GRIP2: variants seen among roughly 807,000 people sequenced by gnomAD.
GRIP2 encodes glutamate receptor-interacting protein 2.
A neutral mutation model predicts 108.3 loss-of-function variants in GRIP2; 58 were observed. The observed-to-expected ratio is 0.54, with a 90% CI of 0.43 to 0.67. The LOEUF (loss-of-function observed/expected upper bound fraction) is 0.67. Ranked by LOEUF, GRIP2 falls within the 30% of genes least tolerant of loss-of-function variation. The pLI, the probability that GRIP2 is intolerant of heterozygous loss-of-function variation, is 0.00. For synonymous variants in GRIP2, 586 were observed against 598.2 expected (o/e 0.98, Z 0.30); for missense variants, 1,278 against 1,430.6 (o/e 0.89, Z 1.72).
rs561804522 is a variant in GRIP2 at position 14,512,357 on chromosome 3, G to T, written c.1720+420C>A. Among the ~76,000 whole-genome samples the T allele has an allele frequency of 1.3e-5, 2 of 152,200 alleles. No individual in the cohort carries two copies. Among genetic ancestry groups the T allele is most frequent in the Admixed American group, 1.3e-4 (2 of 15,278 alleles). ...CCTTTCCCATGCTCACCCATTCTAC[G>T]TTTTTCTTCTGCATTCCTCATTTTC... On this transcript the variant is annotated intron_variant, in intron 14 of 23. Coordinates refer to ENST00000621039, the MANE Select transcript of GRIP2 (RefSeq NM_001080423.4). The surrounding 1 kb of genome is among the most constrained non-coding windows in gnomAD (Gnocchi z 5.1).
Position 14,505,812 on chromosome 3 carries a change from T to G in GRIP2, c.2399-23A>C, listed in dbSNP as rs767485512. ...ACCCTGGTGGTGGAGAGAGGGCCTC[T>G]GTGTTCCCTGCGGCCTCACCTTGCC... is the stretch of plus-strand genomic sequence containing the variant. On this transcript the variant is annotated intron_variant, in intron 19 of 23. Coordinates refer to ENST00000621039, the MANE Select transcript of GRIP2 (RefSeq NM_001080423.4). The surrounding 1 kb of genome is among the most constrained non-coding windows in gnomAD (Gnocchi z 4.2). 1 of 1,492,168 alleles carries G rather than the reference T, an allele frequency of 6.7e-7. No homozygotes were observed. The highest frequency in any genetic ancestry group is 2.4e-5 in the Admixed American group (1 of 41,470). The allele number at this position is 1,492,168 out of a possible 1,614,324, so 92.4% of individuals were successfully genotyped here.
At chr3:14,551,971 T>C (rs542620831) in intron 1 of GRIP2, among the ~76,000 whole-genome samples, 3 of 152,302 alleles carry the variant, frequency 2.0e-5, no homozygotes, top group African/African-American at 7.2e-5. Flanking sequence ...CAATAAATGC[T>C]TGGGAAACAA....
At position 14,531,748 on chromosome 3, in the gene GRIP2, A is replaced by C. The variant is rs533940946; in HGVS notation, c.41-5817T>G. ...CTACCAAGAGCTGGAAGCAGACCCC[A>C]GGCCTTTTAGCGTTTTCTACCCTGT... On this transcript the variant is annotated intron_variant, in intron 1 of 23. Transcript: ENST00000621039. Among the ~76,000 whole-genome samples, 16 of 152,328 alleles carry C rather than the reference A, an allele frequency of 1.1e-4. No homozygotes were observed. The South Asian group carries it at 3.3e-3, about 32-fold the overall frequency.
the GRIP2 span, chr3:14,573,040 T>A: frequency 1.4e-6 from 2 of 1,392,168 alleles, no homozygotes; most frequent in Non-Finnish European, 2.0e-6. Context: ...TGGAACTTGC[T>A]GAAGCTGATG....
Position 14,527,012 on chromosome 3 carries a change from C to A in GRIP2, c.41-1081G>T, listed in dbSNP as rs1694573686. 3.9e-5 allele frequency among the ~76,000 whole-genome samples: 6 copies of A among 152,194 alleles called. No homozygotes were observed. The South Asian group carries it at 1.2e-3, about 32-fold the overall frequency. ...GACGAGCCTTGGCAACATAGTGAAA[C>A]CCCATCTCTACAAAAAATGCAAAAA... is the stretch of plus-strand genomic sequence containing the variant. On this transcript the variant is annotated intron_variant, in intron 1 of 23. Coordinates refer to ENST00000621039, the MANE Select transcript of GRIP2 (RefSeq NM_001080423.4).
At chr3:14,572,611 C>CAAAAAAAAAAAAAAAAAAA in the GRIP2 span, among the ~76,000 whole-genome samples, 7 of 46,954 alleles carry the variant, frequency 1.5e-4, no homozygotes, top group Admixed American at 3.8e-4. Flanking sequence ...GACTCCGTCT[C>CAAAAAAAAAAAAAAAAAAA]AAAAAAAAAA....
At chr3:14,562,041 A>T in the GRIP2 span, among the ~76,000 whole-genome samples, 1 of 152,270 alleles carries the variant, frequency 6.6e-6, no homozygotes, top group Non-Finnish European at 1.5e-5. Context: ...CAGATGTAAC[A>T]GATAAGTAAA....
chr3:14,545,944 C>G (rs950536899), upstream of GRIP2, among the ~76,000 whole-genome samples: 5 of 152,164 alleles, frequency 3.3e-5, no homozygotes, highest in Admixed American at 2.0e-4. Context: ...AGAGATCCAG[C>G]AAGAAAGACA....
At chr3:14,552,634 C>CTT (rs35588712) in intron 1 of GRIP2, among the ~76,000 whole-genome samples, 2 of 129,222 alleles carry the variant, frequency 1.5e-5, no homozygotes, top group South Asian at 2.4e-4. Context: ...CTCTCTCTCT[C>CTT]TTTTTTTTTT....
intron 1 of GRIP2, among the ~76,000 whole-genome samples, chr3:14,526,815 A>G (rs1478676655): frequency 6.6e-6 from 1 of 152,206 alleles, no homozygotes; most frequent in Non-Finnish European, 1.5e-5. Context: ...TTTCAAACAT[A>G]AAGAAGGTAG....
At chr3:14,573,770 G>A in the GRIP2 span, 6 of 1,544,142 alleles carry the variant, frequency 3.9e-6, no homozygotes, top group East Asian at 2.3e-5. Flanking sequence ...TGGGATCCTG[G>A]TGGCAGACAG....
At chr3:14,525,666 G>T in intron 2 of GRIP2, 94 bp from the exon 3 acceptor site, 1 of 1,490,140 alleles carries the variant, frequency 6.7e-7, no homozygotes. Flanking sequence ...CTGGTTGGTA[G>T]GGCACTCTGC....
Position 14,505,509 on chromosome 3 carries a change from C to A in GRIP2, c.2573+106G>T. The stretch of plus-strand genomic sequence containing the variant: ...CCCAGGAGGCACCCCTCCTCAGGAG[C>A]CCGCCAAGACTCTCCATTCCCCCAC... On this transcript the variant is annotated intron_variant, in intron 20 of 23. Transcript: ENST00000621039. This position sits in a 1 kb window ranked among gnomAD's most constrained non-coding sequence, Gnocchi z 4.2. The A allele has an allele frequency of 7.8e-7, 1 of 1,281,280 alleles. No individual in the cohort carries two copies. The highest frequency in any genetic ancestry group is 1.1e-6 in the Non-Finnish European group (1 of 924,054). The allele number at this position is 1,281,280 out of a possible 1,614,324, so 79.4% of individuals were successfully genotyped here.
the GRIP2 span, among the ~76,000 whole-genome samples, chr3:14,584,951 C>A: frequency 6.6e-6 from 1 of 152,226 alleles, no homozygotes; most frequent in Non-Finnish European, 1.5e-5. Context: ...CCTGCCACCT[C>A]TTTCCAGGAT....
the GRIP2 span, among the ~76,000 whole-genome samples, chr3:14,569,037 A>G: frequency 2.6e-5 from 4 of 152,152 alleles, no homozygotes; most frequent in Admixed American, 2.0e-4. Context: ...AGAGTAATCA[A>G]TCCAGCTGAC....
intron 1 of GRIP2, among the ~76,000 whole-genome samples, chr3:14,529,466 C>G (rs4685181): frequency 0.41 from 62,788 of 151,962 alleles, 14,167 homozygotes; most frequent in South Asian, 0.61. Flanking sequence ...ATATGCATTT[C>G]TAAATAAGAA....
chr3:14,542,669 GTGCTTGCCA>G (rs1306511378), upstream of GRIP2, among the ~76,000 whole-genome samples: 1 of 152,202 alleles, frequency 6.6e-6, no homozygotes, highest in Non-Finnish European at 1.5e-5. Context: ...GTTTCTCTGA[GTGCTTGCCA>G]TGCTATGCAA....
chr3:14,514,549 C>A, intron 11 of GRIP2, 71 bp from the exon 12 acceptor site: 1 of 1,443,830 alleles, frequency 6.9e-7, no homozygotes, highest in South Asian at 1.4e-5. Context: ...GCCTGCCCAT[C>A]CCGGGGCCCT....
chr3:14,549,702 C>T (rs973373812), intron 1 of GRIP2, among the ~76,000 whole-genome samples: 1 of 152,208 alleles, frequency 6.6e-6, no homozygotes, highest in Non-Finnish European at 1.5e-5. Flanking sequence ...CTACAGATTT[C>T]ATACTACTTC....
Sources: allele counts gnomAD v4.1 joint callset (sites outside exome capture counted in the v4.1 genomes callset), GRCh38; gene constraint gnomAD v4.1.1; non-coding constraint Gnocchi (gnomAD v3.1); transcripts MANE v1.5; gene names NCBI Gene and HGNC (gene_info 2026-07-23, HGNC 2026-07-21).